Variants in ZNF536 observed in about 807,000 individuals in gnomAD.
ZNF536 encodes the protein zinc finger protein 536.
In ZNF536, 13 loss-of-function variants were observed where a neutral mutation model predicts 84.5. The ratio of observed to expected loss-of-function variants is 0.15; its 90% CI spans 0.10 to 0.24. The LOEUF is 0.24. Among genes scored for constraint, ZNF536 ranks in the 10% least tolerant of loss-of-function variants. The probability of loss-of-function intolerance (pLI) is 1.00; values close to 1 mark genes in which losing one functional copy is unlikely to be tolerated. For synonymous variants in ZNF536, 811 were observed against 742.5 expected (o/e 1.09, Z -1.50); for missense variants, 1,536 against 1,747.5 (o/e 0.88, Z 2.16).
chr19:30,426,252 T>C lies in ZNF536; in HGVS notation c.-2-17309T>C, dbSNP rs190329833. Among the ~76,000 whole-genome samples, 252 of 152,352 alleles carry C rather than the reference T, an allele frequency of 1.7e-3. 3 individuals are homozygous for C. Among genetic ancestry groups the C allele is most frequent in the African/African-American group, 5.9e-3 (246 of 41,584 alleles). On this transcript the variant is annotated intron_variant, in intron 1 of 4. Transcript: ENST00000355537. Reference sequence around the variant, plus strand: ...TAAAATATCTGCTGTTTATGAGTAATTAGCCACTTCTGGAAAAGAACTCTA... The same window carrying C: ...TAAAATATCTGCTGTTTATGAGTAACTAGCCACTTCTGGAAAAGAACTCTA...
At chr19:30,352,601 C>A (rs8108170) in intron 3 of ZNF536, 1 of 152,074 alleles carries the variant, frequency 6.6e-6, no homozygotes, top group Non-Finnish European at 1.5e-5. Context: ...CTCCTGCCCC[C>A]GGCCAGGGGC....
upstream of ZNF536, among the ~76,000 whole-genome samples, chr19:30,368,634 G>A (rs754688633): frequency 3.9e-5 from 6 of 152,220 alleles, no homozygotes; most frequent in African/African-American, 9.6e-5. Context: ...AACTCAACAC[G>A]TTGATGACCC....
At chr19:30,572,444 C>T (rs1235689962) in intron 1 of ZNF536, among the ~76,000 whole-genome samples, 1 of 152,178 alleles carries the variant, frequency 6.6e-6, no homozygotes, top group Non-Finnish European at 1.5e-5. Flanking sequence ...TCTGGAAACA[C>T]TGTGACCCCT....
At chr19:30,682,554 C>T (rs910294350) in intron 1 of ZNF536, among the ~76,000 whole-genome samples, 1 of 152,190 alleles carries the variant, frequency 6.6e-6, no homozygotes, top group African/African-American at 2.4e-5. Flanking sequence ...GCCTTCCCCA[C>T]CTCCATCCCC....
intron 1 of ZNF536, among the ~76,000 whole-genome samples, chr19:30,277,129 A>C (rs2026169394): frequency 6.6e-6 from 1 of 152,256 alleles, no homozygotes; most frequent in African/African-American, 2.4e-5. Flanking sequence ...AAGAGAGAGC[A>C]CTAACGACTC....
At chr19:30,426,904 G>A (rs1202927037) in intron 1 of ZNF536, among the ~76,000 whole-genome samples, 2 of 152,122 alleles carry the variant, frequency 1.3e-5, no homozygotes, top group African/African-American at 4.8e-5. Flanking sequence ...GTATCTATTT[G>A]TCTGTGTGCA....
intron 1 of ZNF536, among the ~76,000 whole-genome samples, chr19:30,690,348 C>A (rs1376770151): frequency 6.6e-6 from 1 of 151,998 alleles, no homozygotes; most frequent in African/African-American, 2.4e-5. Flanking sequence ...GGAGGGGATG[C>A]CAGAGAGGAA....
intron 1 of ZNF536, among the ~76,000 whole-genome samples, chr19:30,266,981 C>CTAG (rs2025546508): frequency 6.6e-6 from 1 of 152,108 alleles, no homozygotes; most frequent in Admixed American, 6.5e-5. Context: ...GAAATGCATC[C>CTAG]TAGTAGTTGT....
intron 2 of ZNF536, among the ~76,000 whole-genome samples, chr19:30,451,021 C>G (rs1600789225): frequency 6.6e-6 from 1 of 152,262 alleles, no homozygotes; most frequent in South Asian, 2.1e-4. Flanking sequence ...CGGAGATTTA[C>G]GGAGGATCGG....
At chr19:30,319,206 G>A (rs564900648) in intron 2 of ZNF536, among the ~76,000 whole-genome samples, 6 of 152,330 alleles carry the variant, frequency 3.9e-5, no homozygotes, top group African/African-American at 1.2e-4. Flanking sequence ...AGGAGATGCC[G>A]GGAAGTTGGG....
chr19:30,425,556 C>T (rs146136298), intron 1 of ZNF536, among the ~76,000 whole-genome samples: 1 of 152,202 alleles, frequency 6.6e-6, no homozygotes, highest in Non-Finnish European at 1.5e-5. Context: ...TGGCCTTGTC[C>T]CCAGTGCTGC....
upstream of ZNF536, among the ~76,000 whole-genome samples, chr19:30,226,869 T>C (rs1366560629): frequency 1.3e-5 from 2 of 151,908 alleles, no homozygotes; most frequent in African/African-American, 2.4e-5. The surrounding 1 kb of genome is among the most constrained non-coding windows in gnomAD (Gnocchi z 4.6). Flanking sequence ...CGCAGATGCA[T>C]GACTGGGGTA....
intron 1 of ZNF536, among the ~76,000 whole-genome samples, chr19:30,389,452 C>T (rs2049488465): frequency 2.0e-5 from 3 of 152,176 alleles, no homozygotes; most frequent in African/African-American, 4.8e-5. Flanking sequence ...GATACATGCT[C>T]CTCACCCATG....
intron 2 of ZNF536, among the ~76,000 whole-genome samples, chr19:30,501,347 G>A (rs1429616541): frequency 6.6e-6 from 1 of 152,180 alleles, no homozygotes; most frequent in African/African-American, 2.4e-5. Flanking sequence ...TTGCAGTGGT[G>A]GATACTGGAT....
At chr19:30,395,358 GAC>G (rs2049771255) in intron 1 of ZNF536, among the ~76,000 whole-genome samples, 1 of 152,178 alleles carries the variant, frequency 6.6e-6, no homozygotes, top group African/African-American at 2.4e-5. Flanking sequence ...AAACACCTAA[GAC>G]ACACATCTGG....
chr19:30,360,720 G>A (rs2048246952), intron 3 of ZNF536, among the ~76,000 whole-genome samples: 1 of 152,234 alleles, frequency 6.6e-6, no homozygotes, highest in Non-Finnish European at 1.5e-5. Flanking sequence ...TGCTGGGGAA[G>A]ACCACTGGCT....
chr19:30,688,144 C>T (rs913197381), intron 1 of ZNF536, among the ~76,000 whole-genome samples: 4 of 152,124 alleles, frequency 2.6e-5, no homozygotes, highest in African/African-American at 9.7e-5. Flanking sequence ...CGGTTCAGTC[C>T]ACCTCCCATC....
chr19:30,226,156 C>A (rs941564156), upstream of ZNF536, among the ~76,000 whole-genome samples: 1 of 151,482 alleles, frequency 6.6e-6, no homozygotes, highest in Non-Finnish European at 1.5e-5. This position sits in a 1 kb window ranked among gnomAD's most constrained non-coding sequence, Gnocchi z 4.6. Flanking sequence ...CGGCCGGCGC[C>A]CCCCACCCGC....
chr19:30,580,242 A>G (rs965009526), intron 1 of ZNF536, among the ~76,000 whole-genome samples: 32 of 152,058 alleles, frequency 2.1e-4, no homozygotes, highest in African/African-American at 7.2e-4. Flanking sequence ...TCCCTGCTGT[A>G]CCCTACTCGG....
Sources: allele counts gnomAD v4.1 joint callset (sites outside exome capture counted in the v4.1 genomes callset), GRCh38; gene constraint gnomAD v4.1.1; non-coding constraint Gnocchi (gnomAD v3.1); transcripts MANE v1.5; gene names NCBI Gene and HGNC (gene_info 2026-07-23, HGNC 2026-07-21).